TRDN: variants seen among roughly 807,000 people sequenced by gnomAD.
TRDN encodes the protein triadin in skeletal muscle.
In TRDN, 161 loss-of-function variants were observed where a neutral mutation model predicts 149.7. That is an observed-to-expected ratio of 1.08 (90% CI 0.95 to 1.23). The LOEUF is 1.23. TRDN is among the 50% of genes most tolerant of loss of function. The probability of loss-of-function intolerance (pLI) is 0.00; values close to 1 mark genes in which losing one functional copy is unlikely to be tolerated. For missense variants in TRDN, 896 were observed against 823.5 expected, an observed-to-expected ratio of 1.09 and a Z score of -1.08; for synonymous variants, 294 against 250.5, an observed-to-expected ratio of 1.17 and a Z score of -1.64.
chr6:123,614,690 T>C (rs1784997545), intron 1 of TRDN, among the ~76,000 whole-genome samples: 1 of 151,886 alleles, frequency 6.6e-6, no homozygotes, highest in South Asian at 2.1e-4. Context: ...CCTGAAACCA[T>C]GAAACTACAG....
chr6:123,505,073 A>T (rs532840005), intron 7 of TRDN, among the ~76,000 whole-genome samples: 2 of 151,880 alleles, frequency 1.3e-5, no homozygotes, highest in African/African-American at 4.8e-5. Flanking sequence ...GTGAAACCCC[A>T]TCTCTACTAA....
chr6:123,455,914 A>G (rs528991935), intron 10 of TRDN, among the ~76,000 whole-genome samples: 1 of 152,140 alleles, frequency 6.6e-6, no homozygotes, highest in African/African-American at 2.4e-5. Context: ...AGAATATTTC[A>G]TTACATTTAA....
intron 29 of TRDN, among the ~76,000 whole-genome samples, chr6:123,272,186 A>C (rs2114614299): frequency 6.6e-6 from 1 of 152,108 alleles, no homozygotes; most frequent in Admixed American, 6.6e-5. Context: ...AATTTATAAA[A>C]GTAAGCAAAG....
At position 123,217,918 on chromosome 6, in the gene TRDN, T is replaced by G. The variant is rs1403355116; in HGVS notation, c.*683A>C. The G allele has an allele frequency of 6.6e-6, 1 of 151,932 alleles. No individual in the cohort carries two copies. 9.4% of individuals were successfully genotyped at this position (151,932 alleles called of 1,614,324 possible). ...AATGGTGTATTTCCACTGGACTGAA[T>G]GTCCTAATTATCATTCAAGACATAT... On this transcript the variant is annotated 3_prime_UTR_variant, in exon 41 of 41. Coordinates refer to ENST00000334268, the MANE Select transcript of TRDN (RefSeq NM_006073.4).
chr6:123,438,864 T>A, intron 11 of TRDN, 80 bp downstream of exon 11: 1 of 1,154,548 alleles, frequency 8.7e-7, no homozygotes, highest in Non-Finnish European at 1.2e-6. Context: ...ATTTCTTTCC[T>A]AGAAAATAAT....
At chr6:123,589,585 A>G (rs1783682826) in intron 1 of TRDN, among the ~76,000 whole-genome samples, 1 of 152,146 alleles carries the variant, frequency 6.6e-6, no homozygotes, top group Admixed American at 6.5e-5. Flanking sequence ...AGATATTTTC[A>G]TGGAAATCAG....
chr6:123,356,841 C>A (rs549128565), intron 20 of TRDN, among the ~76,000 whole-genome samples: 2 of 150,878 alleles, frequency 1.3e-5, no homozygotes, highest in African/African-American at 4.8e-5. Context: ...CTTTTTATTT[C>A]TGATATTGAT....
At chr6:123,537,089 AG>A (rs1405325522) in intron 4 of TRDN, among the ~76,000 whole-genome samples, 28 of 152,196 alleles carry the variant, frequency 1.8e-4, no homozygotes. Context: ...ATAAACTATA[AG>A]TAAGTATATT....
intron 10 of TRDN, chr6:123,442,162 G>T (rs1323595759): frequency 1.3e-5 from 2 of 152,342 alleles, no homozygotes; most frequent in African/African-American, 4.8e-5. Flanking sequence ...TGGCACTGAT[G>T]ACCTTGGGCT....
At chr6:123,300,797 T>A (rs995884563) in intron 24 of TRDN, among the ~76,000 whole-genome samples, 6 of 152,022 alleles carry the variant, frequency 3.9e-5, no homozygotes, top group African/African-American at 1.4e-4. Context: ...ATGTACTTAC[T>A]AGTATAATAT....
chr6:123,385,502 G>C (rs74485360), intron 14 of TRDN, among the ~76,000 whole-genome samples: 8,168 of 151,760 alleles, frequency 0.054, 275 homozygotes, highest in Non-Finnish European at 0.076. Context: ...TTTTCTGATA[G>C]CCTACTAGTG....
intron 1 of TRDN, among the ~76,000 whole-genome samples, chr6:123,612,983 C>A (rs918101381): frequency 1.3e-5 from 2 of 152,108 alleles, no homozygotes; most frequent in Non-Finnish European, 1.5e-5. Flanking sequence ...ACCTACTTAT[C>A]ATCATGACAT....
At chr6:123,220,985 T>C (rs1259949772) in intron 40 of TRDN, among the ~76,000 whole-genome samples, 1 of 151,856 alleles carries the variant, frequency 6.6e-6, no homozygotes, top group African/African-American at 2.4e-5. Flanking sequence ...CACATGAATA[T>C]TGATTGGATT....
intron 33 of TRDN, among the ~76,000 whole-genome samples, chr6:123,261,422 C>A (rs1776768302): frequency 1.3e-5 from 2 of 151,768 alleles, no homozygotes; most frequent in African/African-American, 4.8e-5. Flanking sequence ...TGCCTTTTGC[C>A]TATGCTCATA....
chr6:123,272,096 T>G (rs558710660), intron 29 of TRDN, among the ~76,000 whole-genome samples: 2 of 151,974 alleles, frequency 1.3e-5, no homozygotes, highest in Admixed American at 6.6e-5. Context: ...CTGTTGTTGG[T>G]GTATCACAGT....
Position 123,622,553 on chromosome 6 carries a change from A to G in TRDN, c.22+14201T>C, listed in dbSNP as rs532571999. On this transcript the variant is annotated intron_variant, in intron 1 of 40. Coordinates refer to ENST00000334268, the MANE Select transcript of TRDN (RefSeq NM_006073.4). ...GAGTTATGAAACTTTCAGAGTCTGT[A>G]TTTTACTAAAATGAATTTTTAAGAA... 3.9e-5 allele frequency among the ~76,000 whole-genome samples: 6 copies of G among 152,240 alleles called. No individual in the cohort carries two copies. In the South Asian group the frequency reaches 1.0e-3, roughly 26 times the overall value.
At chr6:123,253,119 A>G (rs775099071) in intron 37 of TRDN, among the ~76,000 whole-genome samples, 33 of 152,250 alleles carry the variant, frequency 2.2e-4, no homozygotes, top group Non-Finnish European at 4.4e-4. Context: ...AAGTAAGTTT[A>G]CTTTTTCATA....
intron 12 of TRDN, among the ~76,000 whole-genome samples, chr6:123,410,393 T>A (rs2114511186): frequency 6.6e-6 from 1 of 152,248 alleles, no homozygotes; most frequent in Admixed American, 6.5e-5. Context: ...TATTACTCAC[T>A]GCACTCACAA....
At chr6:123,289,980 C>A (rs995044634) in intron 24 of TRDN, among the ~76,000 whole-genome samples, 2 of 152,164 alleles carry the variant, frequency 1.3e-5, no homozygotes, top group African/African-American at 4.8e-5. Context: ...CAGTAAGATG[C>A]AAGCTGTCTT....
Sources: allele counts gnomAD v4.1 joint callset (sites outside exome capture counted in the v4.1 genomes callset), GRCh38; gene constraint gnomAD v4.1.1; transcripts MANE v1.5; gene names NCBI Gene and HGNC (gene_info 2026-07-23, HGNC 2026-07-21).